The following MLXIPL variants were observed in gnomAD, a reference collection of about 807,000 sequenced individuals.
MLXIPL encodes the protein MLX interacting protein like.
Under a neutral mutation model 81.5 loss-of-function variants are expected in MLXIPL, and 49 were observed. The observed-to-expected ratio is 0.60, with a 90% CI of 0.48 to 0.76. MLXIPL has a LOEUF of 0.76. Among genes scored for constraint, MLXIPL ranks in the 30% least tolerant of loss-of-function variants. The probability of loss-of-function intolerance (pLI) is 0.00; values close to 1 mark genes in which losing one functional copy is unlikely to be tolerated. For synonymous variants in MLXIPL, 466 were observed against 485.5 expected, an observed-to-expected ratio of 0.96 and a Z score of 0.53; for missense variants, 1,053 against 1,167.0, an observed-to-expected ratio of 0.90 and a Z score of 1.42.
chr7:73,602,170 T>TCC (rs2116293769), intron 7 of MLXIPL, among the ~76,000 whole-genome samples: 8 of 148,606 alleles, frequency 5.4e-5, no homozygotes, highest in Non-Finnish European at 8.9e-5. Flanking sequence ...CTTCCTTTCT[T>TCC]TCCCTCTCTC....
intron 7 of MLXIPL, among the ~76,000 whole-genome samples, chr7:73,600,741 G>GC (rs1170231802): frequency 9.6e-6 from 1 of 104,142 alleles, no homozygotes; most frequent in African/African-American, 4.1e-5. Flanking sequence ...GGCGAGAGGG[G>GC]CCTAAGGGTG....
At chr7:73,594,553 CTTTTT>C in intron 15 of MLXIPL, 150 bp from the exon 16 acceptor site, 2 of 748,544 alleles carry the variant, frequency 2.7e-6, no homozygotes, top group Non-Finnish European at 4.1e-6. Flanking sequence ...CCTACTTCTT[CTTTTT>C]TTTTTTTTGA....
Position 73,623,521 on chromosome 7 carries a change from G to A in MLXIPL, c.293+679C>T, listed in dbSNP as rs1234047043. 3.9e-5 allele frequency among the ~76,000 whole-genome samples: 6 copies of A among 152,126 alleles called. No homozygotes were observed. Among genetic ancestry groups the A allele is most frequent in the South Asian group, 4.1e-4 (2 of 4,824 alleles). ...CGCTCAGCCTAGTGTGGCGACGTGGGTAGGCGAACCCAGGCCTCCCGGGCA... is the reference window on the plus strand; with the variant it reads ...CGCTCAGCCTAGTGTGGCGACGTGGATAGGCGAACCCAGGCCTCCCGGGCA... On this transcript the variant is annotated intron_variant, in intron 1 of 16. Transcript: ENST00000313375. This position sits in a 1 kb window ranked among gnomAD's most constrained non-coding sequence, Gnocchi z 5.7.
intron 2 of MLXIPL, chr7:73,610,279 G>A (rs1268413990): frequency 6.6e-6 from 1 of 152,168 alleles, no homozygotes; most frequent in Non-Finnish European, 1.5e-5. Flanking sequence ...GGACCTCCCT[G>A]ACTCCAGTGT....
intron 16 of MLXIPL, 110 bp from the exon 17 acceptor site, chr7:73,594,093 C>A: frequency 7.3e-7 from 1 of 1,375,354 alleles, no homozygotes; most frequent in East Asian, 2.3e-5. Flanking sequence ...AGACTGTCAC[C>A]CCCTCCTAGA....
Position 73,607,418 on chromosome 7 carries a change from G to A in MLXIPL, c.486C>T (p.Ala162=), listed in dbSNP as rs782547072. 4.5e-6 allele frequency: 7 copies of A among 1,556,052 alleles called. No homozygotes were observed. In the African/African-American group the frequency reaches 5.5e-5, roughly 12 times the overall value. The stretch of plus-strand genomic sequence containing the variant: ...TCCAGTAGTTCCCCTCCAGGACCAC[G>A]GCCTGGGGTAGGGGCCGGGGGAGGG... ...PEADAHRKPE[A]VVLEGNYWKR... The change falls in exon 4 of 17, where the codon GCC becomes GCT. Residue 162 remains alanine (A), a splice_region_variant and synonymous_variant. Coordinates refer to ENST00000313375, the MANE Select transcript of MLXIPL (RefSeq NM_032951.3).
At chr7:73,640,403 A>AC in the MLXIPL span, among the ~76,000 whole-genome samples, 1 of 132,976 alleles carries the variant, frequency 7.5e-6, no homozygotes, top group African/African-American at 3.0e-5. Flanking sequence ...CCCTGTCTCC[A>AC]AAAAAAAAAA....
At chr7:73,637,174 T>A in the MLXIPL span, among the ~76,000 whole-genome samples, 1 of 151,858 alleles carries the variant, frequency 6.6e-6, no homozygotes, top group Non-Finnish European at 1.5e-5. Flanking sequence ...CTATGTAGAT[T>A]GAAAATAAAA....
intron 5 of MLXIPL, chr7:73,606,470 G>A: frequency 5.7e-6 from 2 of 353,948 alleles, no homozygotes; most frequent in Non-Finnish European, 1.0e-5. Context: ...CTGTTGCCCA[G>A]GCTGGAGTGC....
At chr7:73,604,995 C>G (rs932661635) in intron 7 of MLXIPL, among the ~76,000 whole-genome samples, 1 of 152,098 alleles carries the variant, frequency 6.6e-6, no homozygotes, top group Non-Finnish European at 1.5e-5. Context: ...GAACTCCTGA[C>G]GTCAGGTGAT....
chr7:73,610,184 A>G (rs1554599464), intron 2 of MLXIPL: 1 of 152,264 alleles, frequency 6.6e-6, no homozygotes, highest in African/African-American at 2.4e-5. Flanking sequence ...TCAATCTCAT[A>G]GGATCTGTGA....
intron 1 of MLXIPL, among the ~76,000 whole-genome samples, chr7:73,620,397 C>G (rs1193547689): frequency 1.3e-5 from 2 of 151,684 alleles, no homozygotes; most frequent in Non-Finnish European, 2.9e-5. Context: ...CAGCGAGACT[C>G]TGTCTCAACA....
rs1554594488 is a variant in MLXIPL at position 73,597,193 on chromosome 7, A to G, written c.1592T>C (p.Leu531Pro). 2 of 1,603,040 alleles carry G rather than the reference A, an allele frequency of 1.2e-6. No individual in the cohort carries two copies. Among genetic ancestry groups the G allele is most frequent in the Non-Finnish European group, 1.7e-6 (2 of 1,177,510 alleles). Residue 531 changes from leucine (L) to proline (P), a missense_variant, in exon 9 of 17, where the codon CTG (leucine) becomes CCG (proline). By Grantham distance (98) the Leu-to-Pro change is moderately conservative. Coordinates refer to ENST00000313375, the MANE Select transcript of MLXIPL (RefSeq NM_032951.3). ...TTGCTGGCCCTCACCTGCTGTGAGC[A>G]GCTGTGTGAGGCAGGGGTTGTTGCT... The part of the protein sequence containing the change: ...AGSNNPCLTQ[L>P]LTAAKPEQAL...
At position 73,606,006 on chromosome 7, in the gene MLXIPL, G is replaced by A; in HGVS notation, c.724C>T (p.Leu242Phe). The change falls in exon 6 of 17, where the codon CTC (leucine) becomes TTC (phenylalanine). Residue 242 changes from leucine (L) to phenylalanine (F), a missense_variant. Physicochemically the swap from Leu to Phe is conservative, Grantham distance 22. Around this residue, in one of 3 missense-constraint regions of MLXIPL, gnomAD observed 823 missense variants for 933.0 expected, o/e 0.88. Transcript: ENST00000313375. ...DPEEEPGGRQ[L>F]LDLNCFLSDI... ...GACAAAAAGCAATTGAGGTCCAGGA[G>A]CTGCCGCCCACCCGGCTCCTCCTCT... 1 of 1,587,524 alleles carries A rather than the reference G, an allele frequency of 6.3e-7. No individual in the cohort carries two copies. Among genetic ancestry groups the A allele is most frequent in the Non-Finnish European group, 8.6e-7 (1 of 1,166,750 alleles).
chr7:73,610,855 A>C (rs1795645395), intron 2 of MLXIPL: 1 of 149,896 alleles, frequency 6.7e-6, no homozygotes, highest in African/African-American at 2.5e-5. Flanking sequence ...ATGAAGTCTC[A>C]CTCTGTCACC....
chr7:73,601,393 G>C (rs1417260038), intron 7 of MLXIPL, among the ~76,000 whole-genome samples: 1 of 151,984 alleles, frequency 6.6e-6, no homozygotes, highest in African/African-American at 2.4e-5. Flanking sequence ...GGAACCCCAG[G>C]AAGCAGTCCC....
At chr7:73,629,039 T>G (rs954876065), upstream of MLXIPL, among the ~76,000 whole-genome samples, 1 of 150,798 alleles carries the variant, frequency 6.6e-6, no homozygotes, top group African/African-American at 2.4e-5. Context: ...CCCTTGTTCT[T>G]TTCTTTTCTT....
chr7:73,597,819 G>T, intron 8 of MLXIPL, 106 bp from the exon 9 acceptor site: 1 of 736,896 alleles, frequency 1.4e-6, no homozygotes, highest in South Asian at 5.5e-5. Flanking sequence ...ACTCTAGACT[G>T]GGGCCCTGGG....
chr7:73,625,067 C>T (rs151226239), upstream of MLXIPL, among the ~76,000 whole-genome samples: 172 of 152,166 alleles, frequency 1.1e-3, no homozygotes, highest in Middle Eastern at 0.014. Flanking sequence ...GCATGTAGTC[C>T]TAGCTACTCC....
Sources: gnomAD v4.1 joint callset for allele counts (sites outside exome capture counted in the v4.1 genomes callset) on GRCh38, gnomAD v4.1.1 for gene constraint, gnomAD v4.1.1 regional missense constraint, Gnocchi (gnomAD v3.1) non-coding constraint, MANE v1.5 for transcripts, NCBI Gene and HGNC (gene_info 2026-07-23, HGNC 2026-07-21) for gene names.